The following GDAP1 variants were observed in gnomAD, a reference collection of about 807,000 sequenced individuals.
GDAP1 encodes the protein ganglioside induced differentiation associated protein 1.
A neutral mutation model predicts 40.1 loss-of-function variants in GDAP1; 34 were observed. The ratio of observed to expected loss-of-function variants is 0.85; its 90% CI spans 0.64 to 1.13. GDAP1 has a LOEUF of 1.13. Among genes scored for constraint, GDAP1 ranks in the 50% most tolerant of loss-of-function variants. GDAP1 has a pLI of 0.00. For synonymous variants in GDAP1, 170 were observed against 157.4 expected (o/e 1.08, Z -0.60); for missense variants, 374 against 433.7 (o/e 0.86, Z 1.22).
chr8:74,441,880 T>C (rs1488269014), intron 2 of GDAP1, among the ~76,000 whole-genome samples: 1 of 152,292 alleles, frequency 6.6e-6, no homozygotes, highest in East Asian at 1.9e-4. Flanking sequence ...CTTTCGTTCA[T>C]AGACTTCACT....
In GDAP1 at chr8:74,363,079, C is replaced by A. The variant is rs372147594; in HGVS notation, c.694+26C>A. 4 of 961,920 alleles carry A rather than the reference C, an allele frequency of 4.2e-6. No homozygotes were observed. In the African/African-American group the frequency reaches 4.8e-5, roughly 12 times the overall value. The allele number at this position is 961,920 out of a possible 1,614,324, so 59.6% of individuals were successfully genotyped here. A position where few individuals can be genotyped will look rare whatever the true frequency, so the allele number is the denominator to read the frequency against. The stretch of plus-strand genomic sequence containing the variant: ...GTAGGTTCTCATTTATATTCTTTCT[C>A]TCTTTTCAACATCAGTATTATTCAT... On this transcript the variant is annotated intron_variant, in intron 5 of 5. Coordinates refer to ENST00000220822, the MANE Select transcript of GDAP1 (RefSeq NM_018972.4).
intron 2 of GDAP1, among the ~76,000 whole-genome samples, chr8:74,358,822 C>T (rs1477266119): frequency 6.6e-6 from 1 of 152,096 alleles, no homozygotes; most frequent in African/African-American, 2.4e-5. Context: ...ATAATTGTAT[C>T]TCTATTTAAA....
rs1201095819 is a variant in GDAP1, at chr8:74,364,562, T to C, written c.*195T>C. ...ATTGCTTTATTCTACAACTGCCAGC[T>C]CCAGGCAGAAATAGGAAGGCAAAGA... On this transcript the variant is annotated 3_prime_UTR_variant, in exon 6 of 6. Coordinates refer to ENST00000220822, the MANE Select transcript of GDAP1 (RefSeq NM_018972.4). 4 of 695,630 alleles carry C rather than the reference T, an allele frequency of 5.8e-6. No individual in the cohort carries two copies. Among genetic ancestry groups the C allele is most frequent in the Non-Finnish European group, 7.8e-6 (3 of 383,566 alleles). 43.1% of individuals were successfully genotyped at this position (695,630 alleles called of 1,614,324 possible).
chr8:74,416,985 G>A (rs1260559438), intron 2 of GDAP1, among the ~76,000 whole-genome samples: 2 of 144,730 alleles, frequency 1.4e-5, no homozygotes, highest in Admixed American at 6.8e-5. Context: ...AAGGAAAGTC[G>A]GCAGCTCTAC....
chr8:74,475,288 T>C (rs1325784864), intron 2 of GDAP1, among the ~76,000 whole-genome samples: 3 of 152,154 alleles, frequency 2.0e-5, no homozygotes, highest in African/African-American at 4.8e-5. Context: ...TGTCCTTTGG[T>C]TAAGCTCTGA....
At chr8:74,395,504 T>C (rs1351049032) in intron 2 of GDAP1, among the ~76,000 whole-genome samples, 1 of 152,232 alleles carries the variant, frequency 6.6e-6, no homozygotes, top group Non-Finnish European at 1.5e-5. Flanking sequence ...AACTTCATTG[T>C]GTAGCTGTCC....
At chr8:74,461,074 A>C (rs10100113) in intron 2 of GDAP1, among the ~76,000 whole-genome samples, 2 of 152,064 alleles carry the variant, frequency 1.3e-5, no homozygotes, top group South Asian at 4.1e-4. Flanking sequence ...GGCCACTGCC[A>C]ATGCTTTGTC....
chr8:74,476,952 C>T (rs959880797), intron 2 of GDAP1, among the ~76,000 whole-genome samples: 1 of 152,116 alleles, frequency 6.6e-6, no homozygotes, highest in African/African-American at 2.4e-5. Flanking sequence ...TTTACATAAT[C>T]CTGTATTTCT....
Position 74,400,308 on chromosome 8 carries a change from C to T in GDAP1, c.165+48987C>T, listed in dbSNP as rs1403731529. On this transcript the variant is annotated intron_variant, in intron 2 of 2. Transcript: ENST00000523640. ...TGATCCCTTTACCGTTATGTAATGG[C>T]CTTCTTTGTCTCTTTCGATCTTTGT... Among the ~76,000 whole-genome samples, 3 of 149,902 alleles carry T rather than the reference C, an allele frequency of 2.0e-5. 1 individual carries two copies. Among genetic ancestry groups the T allele is most frequent in the African/African-American group, 7.6e-5 (3 of 39,270 alleles).
chr8:74,447,336 T>C (rs981173136), intron 2 of GDAP1, among the ~76,000 whole-genome samples: 3 of 152,146 alleles, frequency 2.0e-5, no homozygotes, highest in Non-Finnish European at 2.9e-5. Flanking sequence ...TTATTAAAGC[T>C]GGGAAATAGA....
intron 2 of GDAP1, among the ~76,000 whole-genome samples, chr8:74,383,099 T>A (rs67169113): frequency 0.46 from 70,088 of 152,100 alleles, 16,793 homozygotes; most frequent in East Asian, 0.6. Context: ...GGTATAACAC[T>A]CAAGTTAACC....
intron 2 of GDAP1, among the ~76,000 whole-genome samples, chr8:74,356,217 T>G (rs972785600): frequency 3.3e-5 from 5 of 152,090 alleles, no homozygotes; most frequent in African/African-American, 1.2e-4. Flanking sequence ...TCAGTAAAAG[T>G]TGCTTTAAAA....
rs750846858 is a variant in GDAP1, at chr8:74,485,739, C to A, written c.166-2939C>A. ...ATCACAGAAGCAGGAATATACATGG[C>A]AATTTTGTGCCCCACTGAGGAAACC... On this transcript the variant is annotated intron_variant, in intron 2 of 2. Transcript: ENST00000523640. Among the ~76,000 whole-genome samples the A allele has an allele frequency of 2.0e-5, 3 of 151,898 alleles. 1 individual carries two copies.
chr8:74,408,769 C>G (rs533060466), intron 2 of GDAP1, among the ~76,000 whole-genome samples: 3 of 150,068 alleles, frequency 2.0e-5, no homozygotes, highest in African/African-American at 7.6e-5. Flanking sequence ...ATTGAATTCT[C>G]GACTTATTGG....
intron 5 of GDAP1, among the ~76,000 whole-genome samples, chr8:74,363,483 G>A (rs1809472730): frequency 6.6e-6 from 1 of 152,194 alleles, no homozygotes; most frequent in Admixed American, 6.5e-5. Context: ...TCAGGGTTAA[G>A]CCATAGGTGT....
chr8:74,461,165 G>A (rs905695320), intron 2 of GDAP1, among the ~76,000 whole-genome samples: 2 of 152,072 alleles, frequency 1.3e-5, no homozygotes, highest in East Asian at 1.9e-4. Flanking sequence ...CATTTCTCTT[G>A]TAAAAACCTC....
chr8:74,453,533 C>G (rs72622853), intron 2 of GDAP1, among the ~76,000 whole-genome samples: 82,986 of 83,130 alleles, frequency 1, 41,486 homozygotes, highest in Non-Finnish European at 1. Flanking sequence ...TATTTGGTTT[C>G]TTAAAGGTGG....
intron 2 of GDAP1, among the ~76,000 whole-genome samples, chr8:74,354,482 A>G (rs1380933177): frequency 2.6e-5 from 4 of 152,240 alleles, no homozygotes; most frequent in Admixed American, 2.0e-4. Flanking sequence ...TGTGAATGAC[A>G]GAAAAGGTAA....
At chr8:74,443,292 G>C (rs548681151) in intron 2 of GDAP1, among the ~76,000 whole-genome samples, 25 of 152,198 alleles carry the variant, frequency 1.6e-4, no homozygotes, top group African/African-American at 6.0e-4. Context: ...GAGCCTTTCT[G>C]TTAGTCCAGT....
Sources: gnomAD v4.1 joint callset for allele counts (sites outside exome capture counted in the v4.1 genomes callset) on GRCh38, gnomAD v4.1.1 for gene constraint, MANE v1.5 for transcripts, NCBI Gene and HGNC (gene_info 2026-07-23, HGNC 2026-07-21) for gene names.